The following CKMT2 variants were observed in gnomAD, a reference collection of about 807,000 sequenced individuals.
CKMT2 encodes the protein creatine kinase, mitochondrial 2.
Under a neutral mutation model 48.9 loss-of-function variants are expected in CKMT2, and 43 were observed. The observed-to-expected ratio is 0.88, with a 90% CI of 0.69 to 1.13. The LOEUF is 1.13. Among genes scored for constraint, CKMT2 ranks in the 50% most tolerant of loss-of-function variants. CKMT2 has a pLI of 0.00. For synonymous variants in CKMT2, 206 were observed against 213.0 expected, an observed-to-expected ratio of 0.97 and a Z score of 0.29; for missense variants, 472 against 555.4, an observed-to-expected ratio of 0.85 and a Z score of 1.51.
At chr5:81,257,141 A>AGTGTGTGTGTGTGTGTGTGGGTGT (rs1757038752) in intron 6 of CKMT2, 141 bp downstream of exon 6, 1 of 475,088 alleles carries the variant, frequency 2.1e-6, no homozygotes, top group African/African-American at 2.0e-5. Context: ...CTACTTGGAA[A>AGTGTGTGTGTGTGTGTGTGGGTGT]GTGTGTGTGT....
rs976473641 is a variant in CKMT2, at chr5:81,263,471, G to A, written c.1015-20G>A. The stretch of plus-strand genomic sequence containing the variant: ...CAATTTTGCCTCTTAGCACATTTAA[G>A]TATTATCCCTTTGTCCTAGGACCCA... On this transcript the variant is annotated intron_variant, in intron 8 of 9. Coordinates refer to ENST00000254035, the MANE Select transcript of CKMT2 (RefSeq NM_001099735.2). 1.3e-5 allele frequency: 20 copies of A among 1,583,162 alleles called. No individual in the cohort carries two copies. Among genetic ancestry groups the A allele is most frequent in the Non-Finnish European group, 1.7e-5 (20 of 1,161,700 alleles).
rs1388855546 is a variant in CKMT2, at chr5:81,233,395, A to G, written c.-21+18A>G. 10 of 985,510 alleles carry G rather than the reference A, an allele frequency of 1.0e-5. No individual in the cohort carries two copies. The African/African-American group carries it at 1.6e-4, about 16-fold the overall frequency. 61.0% of individuals were successfully genotyped at this position (985,510 alleles called of 1,614,324 possible). ...GCTTCAAGGTCGGTGAGTCCGTGAA[A>G]CTCTGCTTTATTCCTCCAAAGAGGG... On this transcript the variant is annotated intron_variant, in intron 1 of 9. Coordinates refer to ENST00000254035, the MANE Select transcript of CKMT2 (RefSeq NM_001099735.2).
At chr5:81,244,594 AAG>A (rs1361604309) in intron 1 of CKMT2, 2 of 152,216 alleles carry the variant, frequency 1.3e-5, no homozygotes, top group African/African-American at 4.8e-5. Flanking sequence ...AACTGTGGAT[AAG>A]AGACTTCCTC....
chr5:81,243,363 A>G (rs1457700618), intron 1 of CKMT2, among the ~76,000 whole-genome samples: 1 of 152,210 alleles, frequency 6.6e-6, no homozygotes, highest in Admixed American at 6.5e-5. Flanking sequence ...AATTAGGCAG[A>G]GAAAGATGGA....
At chr5:81,233,485 C>A in intron 1 of CKMT2, 108 bp downstream of exon 1, 1 of 791,530 alleles carries the variant, frequency 1.3e-6, no homozygotes, top group Non-Finnish European at 1.5e-6. Context: ...ACGGGGACCC[C>A]GTTAGGACGC....
chr5:81,240,754 C>A (rs1026070081), intron 1 of CKMT2, among the ~76,000 whole-genome samples: 1 of 152,128 alleles, frequency 6.6e-6, no homozygotes, highest in East Asian at 1.9e-4. Context: ...ACATGGGATA[C>A]CTACTTCTTG....
intron 8 of CKMT2, among the ~76,000 whole-genome samples, chr5:81,262,067 C>T (rs1276094570): frequency 3.3e-5 from 5 of 152,142 alleles, no homozygotes; most frequent in Non-Finnish European, 7.3e-5. Flanking sequence ...CTTTGAAAAA[C>T]CTGGCAAAAA....
At chr5:81,258,901 T>C (rs1757108538) in intron 7 of CKMT2, among the ~76,000 whole-genome samples, 1 of 152,216 alleles carries the variant, frequency 6.6e-6, no homozygotes, top group Non-Finnish European at 1.5e-5. Context: ...GCAAAAATGG[T>C]TGGGGACCAC....
Position 81,252,937 on chromosome 5 carries a change from G to C in CKMT2, c.351+44G>C. On this transcript the variant is annotated intron_variant, in intron 3 of 9. Coordinates refer to ENST00000254035, the MANE Select transcript of CKMT2 (RefSeq NM_001099735.2). ...GGTTCCAGGGTGGGAGGGATGCTCT[G>C]GATATGACTGACTTGCACAGTCCTG... 3.1e-6 allele frequency: 5 copies of C among 1,604,220 alleles called. No homozygotes were observed. The South Asian group carries it at 5.5e-5, about 18-fold the overall frequency.
chr5:81,246,974 T>A (rs1756632968), intron 1 of CKMT2: 1 of 152,244 alleles, frequency 6.6e-6, no homozygotes. Context: ...AAGGACCAAC[T>A]GCAAAAAGAA....
intron 1 of CKMT2, among the ~76,000 whole-genome samples, chr5:81,242,784 T>C (rs765373111): frequency 6.6e-6 from 1 of 152,220 alleles, no homozygotes; most frequent in Non-Finnish European, 1.5e-5. Flanking sequence ...AGTTAAGAGC[T>C]AGGGAATTTC....
intron 3 of CKMT2, 36 bp downstream of exon 3, chr5:81,252,929 G>T: frequency 6.2e-7 from 1 of 1,605,544 alleles, no homozygotes; most frequent in South Asian, 1.1e-5. Context: ...GGGTGGGAGG[G>T]ATGCTCTGGA....
chr5:81,248,770 G>A (rs1455876612), intron 1 of CKMT2, among the ~76,000 whole-genome samples: 1 of 152,204 alleles, frequency 6.6e-6, no homozygotes, highest in Non-Finnish European at 1.5e-5. Flanking sequence ...CCTATATCCT[G>A]TAACCCCTAC....
At chr5:81,261,324 A>G (rs918589800) in intron 8 of CKMT2, among the ~76,000 whole-genome samples, 6 of 152,220 alleles carry the variant, frequency 3.9e-5, no homozygotes, top group African/African-American at 7.2e-5. Context: ...CACCACTCCT[A>G]TTCAACATAG....
intron 1 of CKMT2, among the ~76,000 whole-genome samples, chr5:81,240,151 GC>G (rs1194547517): frequency 2.0e-5 from 3 of 152,096 alleles, no homozygotes; most frequent in Non-Finnish European, 4.4e-5. Flanking sequence ...CCGCCTGGAA[GC>G]CTGTAGTGAG....
chr5:81,254,905 A>C, intron 4 of CKMT2, 88 bp from the exon 5 acceptor site: 1 of 1,083,542 alleles, frequency 9.2e-7, no homozygotes. Context: ...CCCCAGGGAA[A>C]CTGCAGATTG....
At chr5:81,248,811 C>G (rs1756700334) in intron 1 of CKMT2, among the ~76,000 whole-genome samples, 1 of 152,208 alleles carries the variant, frequency 6.6e-6, no homozygotes, top group Non-Finnish European at 1.5e-5. Flanking sequence ...TACTTGCACA[C>G]ATAAACATTC....
chr5:81,251,326 G>A (rs755420070), intron 2 of CKMT2, 42 bp downstream of exon 2: 1 of 1,603,394 alleles, frequency 6.2e-7, no homozygotes, highest in Non-Finnish European at 8.5e-7. Context: ...GCCAGGCACG[G>A]TGGCTCATGC....
chr5:81,233,505 G>GTCACCATT, intron 1 of CKMT2, 128 bp downstream of exon 1: 3 of 638,154 alleles, frequency 4.7e-6, no homozygotes, highest in Non-Finnish European at 5.9e-6. Context: ...CTGACTGCGA[G>GTCACCATT]GAGGCAATGG....
Sources: allele counts gnomAD v4.1 joint callset (sites outside exome capture counted in the v4.1 genomes callset), GRCh38; gene constraint gnomAD v4.1.1; transcripts MANE v1.5; gene names NCBI Gene and HGNC (gene_info 2026-07-23, HGNC 2026-07-21).